The following ALK variants were observed in gnomAD, a reference collection of about 807,000 sequenced individuals.
ALK encodes ALK receptor tyrosine kinase, also known as ALK tyrosine kinase receptor.
ALK carries 74 observed loss-of-function variants against 163.1 expected under a neutral mutation model. The ratio of observed to expected loss-of-function variants is 0.45; its 90% CI spans 0.38 to 0.55. The LOEUF (loss-of-function observed/expected upper bound fraction) is 0.55. ALK is among the 20% of genes least tolerant of loss of function. The probability of loss-of-function intolerance (pLI) is 0.00; values close to 1 mark genes in which losing one functional copy is unlikely to be tolerated. For synonymous variants in ALK, 960 were observed against 843.2 expected, an observed-to-expected ratio of 1.14 and a Z score of -2.40; for missense variants, 2,063 against 2,105.3, an observed-to-expected ratio of 0.98 and a Z score of 0.39.
chr2:29,831,074 GGAGGA>G (rs1282352365), intron 1 of ALK, among the ~76,000 whole-genome samples: 1 of 6,452 alleles, frequency 1.5e-4, no homozygotes, highest in Non-Finnish European at 4.5e-4. Context: ...AGGAAGGGGA[GGAGGA>G]GGAGGAGGAG....
chr2:29,631,980 G>A (rs1676390016), intron 3 of ALK, among the ~76,000 whole-genome samples: 3 of 152,138 alleles, frequency 2.0e-5, no homozygotes, highest in Non-Finnish European at 4.4e-5. Flanking sequence ...GGCAGAATAG[G>A]GATTGCTTCT....
chr2:29,478,479 GC>G (rs1329680270), intron 4 of ALK, among the ~76,000 whole-genome samples: 3 of 152,224 alleles, frequency 2.0e-5, no homozygotes, highest in Admixed American at 2.0e-4. Flanking sequence ...CGGAGGACTT[GC>G]CTCCCTGGTG....
intron 1 of ALK, among the ~76,000 whole-genome samples, chr2:29,845,872 A>G (rs1313852919): frequency 6.6e-6 from 1 of 152,220 alleles, no homozygotes; most frequent in Admixed American, 6.5e-5. Flanking sequence ...GACTCTCCAC[A>G]GCACTCTTAA....
At chr2:29,442,199 T>C (rs1024380314) in intron 4 of ALK, among the ~76,000 whole-genome samples, 2 of 152,136 alleles carry the variant, frequency 1.3e-5, no homozygotes, top group African/African-American at 2.4e-5. Context: ...AGAGCATCTG[T>C]TGGGAGAATG....
chr2:29,652,882 C>A (rs1329524895), intron 3 of ALK, among the ~76,000 whole-genome samples: 1 of 152,034 alleles, frequency 6.6e-6, no homozygotes, highest in African/African-American at 2.4e-5. Context: ...TTTGTAATAT[C>A]CTTTATAATA....
chr2:29,604,163 GTT>G (rs34399929), intron 3 of ALK, among the ~76,000 whole-genome samples: 3 of 138,156 alleles, frequency 2.2e-5, no homozygotes, highest in Non-Finnish European at 3.1e-5. Context: ...GAATAGAGAA[GTT>G]TTTTTTTTTT....
At chr2:29,666,529 G>A (rs1677519420) in intron 3 of ALK, among the ~76,000 whole-genome samples, 1 of 152,038 alleles carries the variant, frequency 6.6e-6, no homozygotes, top group Non-Finnish European at 1.5e-5. Context: ...AGGAGATTCT[G>A]AGACCTCTTT....
chr2:29,456,309 A>G (rs916087813), intron 4 of ALK, among the ~76,000 whole-genome samples: 1 of 152,158 alleles, frequency 6.6e-6, no homozygotes, highest in African/African-American at 2.4e-5. Context: ...AGTAGAAACA[A>G]CCTGTGTCCA....
chr2:29,508,076 T>G (rs1252843217), intron 4 of ALK, among the ~76,000 whole-genome samples: 1 of 152,154 alleles, frequency 6.6e-6, no homozygotes, highest in Non-Finnish European at 1.5e-5. Flanking sequence ...GGGTCTGATC[T>G]AGAACTTGGG....
chr2:29,387,332 T>C (rs1035090944), intron 4 of ALK, among the ~76,000 whole-genome samples: 3 of 152,208 alleles, frequency 2.0e-5, no homozygotes, highest in African/African-American at 7.2e-5. Flanking sequence ...CCTCCAACTT[T>C]GCATGAATTT....
chr2:29,215,612 T>C (rs565571483), intron 23 of ALK, among the ~76,000 whole-genome samples: 1 of 152,226 alleles, frequency 6.6e-6, no homozygotes, highest in African/African-American at 2.4e-5. Flanking sequence ...GAGATGGGCT[T>C]TAAGGATCTG....
Position 29,610,818 on chromosome 2 carries a change from C to T in ALK, c.953-78702G>A, listed in dbSNP as rs181382148. 4.6e-5 allele frequency among the ~76,000 whole-genome samples: 7 copies of T among 152,210 alleles called. No homozygotes were observed. In the East Asian group the frequency reaches 7.7e-4, roughly 17 times the overall value. ...TCAACAATAATTAAAAAAATGACTC[C>T]GGATAAGATCATGTCCTAGTTCTGC... On this transcript the variant is annotated intron_variant, in intron 3 of 28. Transcript: ENST00000389048.
intron 3 of ALK, among the ~76,000 whole-genome samples, chr2:29,657,880 A>G (rs1677233031): frequency 6.6e-6 from 1 of 152,162 alleles, no homozygotes; most frequent in South Asian, 2.1e-4. Flanking sequence ...AGGGAAAGAA[A>G]AAACAAACCA....
At chr2:29,559,922 A>C (rs1324323829) in intron 3 of ALK, among the ~76,000 whole-genome samples, 1 of 152,160 alleles carries the variant, frequency 6.6e-6, no homozygotes, top group Non-Finnish European at 1.5e-5. Context: ...AAACATTTAA[A>C]ATGTGGCTAG....
At chr2:29,838,927 T>G (rs1011765344) in intron 1 of ALK, among the ~76,000 whole-genome samples, 4 of 152,310 alleles carry the variant, frequency 2.6e-5, no homozygotes, top group African/African-American at 9.6e-5. Context: ...TAAATTATTT[T>G]TGAATAAAAA....
At position 29,219,837 on chromosome 2, in the gene ALK, C is replaced by G. The variant is rs920660368; in HGVS notation, c.3645+869G>C. On this transcript the variant is annotated intron_variant, in intron 23 of 28. Coordinates refer to ENST00000389048, the MANE Select transcript of ALK (RefSeq NM_004304.5). ...TGGAGCTTGGGATTCCTGGGTCCAC[C>G]CTGGGTATCTTCACTTCCCAAGCTC... 2.0e-5 allele frequency among the ~76,000 whole-genome samples: 3 copies of G among 152,156 alleles called. No homozygotes were observed. In the South Asian group the frequency reaches 6.2e-4, roughly 32 times the overall value.
intron 3 of ALK, among the ~76,000 whole-genome samples, chr2:29,585,001 C>T (rs958333708): frequency 1.3e-5 from 2 of 152,198 alleles, no homozygotes; most frequent in African/African-American, 4.8e-5. Context: ...AGGAGGCCCA[C>T]AGCCAAACGT....
intron 2 of ALK, among the ~76,000 whole-genome samples, chr2:29,711,825 T>C (rs1197029664): frequency 6.6e-6 from 1 of 152,210 alleles, no homozygotes; most frequent in Non-Finnish European, 1.5e-5. Context: ...CTCTGTCCCC[T>C]TCCCCTCATC....
At chr2:29,548,853 A>G (rs1673638786) in intron 3 of ALK, among the ~76,000 whole-genome samples, 2 of 152,188 alleles carry the variant, frequency 1.3e-5, no homozygotes, top group South Asian at 4.1e-4. Flanking sequence ...CTTTTTGAAC[A>G]TTATGACGAG....
Sources: gnomAD v4.1 joint callset for allele counts (sites outside exome capture counted in the v4.1 genomes callset) on GRCh38, gnomAD v4.1.1 for gene constraint, MANE v1.5 for transcripts, NCBI Gene and HGNC (gene_info 2026-07-23, HGNC 2026-07-21) for gene names.